CHD6: variants seen among roughly 807,000 people sequenced by gnomAD.
CHD6 encodes chromodomain helicase DNA binding protein 6.
Under a neutral mutation model 276.9 loss-of-function variants are expected in CHD6, and 50 were observed. The ratio of observed to expected loss-of-function variants is 0.18; its 90% CI spans 0.14 to 0.23. The LOEUF (loss-of-function observed/expected upper bound fraction) is 0.23. Ranked by LOEUF, CHD6 falls within the 10% of genes least tolerant of loss-of-function variation. CHD6 has a pLI of 1.00. For synonymous variants in CHD6, 1,173 were observed against 1,229.3 expected (o/e 0.95, Z 0.96); for missense variants, 2,564 against 3,365.8 (o/e 0.76, Z 5.89).
At chr20:41,469,304 G>A (rs1350946606) in intron 17 of CHD6, among the ~76,000 whole-genome samples, 5 of 152,124 alleles carry the variant, frequency 3.3e-5, no homozygotes, top group African/African-American at 4.8e-5. Context: ...GCAGCCCACC[G>A]TTGTTATCTT....
chr20:41,420,490 A>T lies in CHD6; in HGVS notation c.6127+18T>A. 6.3e-7 allele frequency: 1 copy of T among 1,580,668 alleles called. No homozygotes were observed. The highest frequency in any genetic ancestry group is 8.6e-7 in the Non-Finnish European group (1 of 1,167,610). On this transcript the variant is annotated intron_variant, in intron 31 of 36. Coordinates refer to ENST00000373233, the MANE Select transcript of CHD6 (RefSeq NM_032221.5). Reference sequence around the variant, plus strand: ...GAACTAGTTTATCCAAAATGCCACAAGATCCTACATACTGTACCTTGACTA... The same window carrying T: ...GAACTAGTTTATCCAAAATGCCACATGATCCTACATACTGTACCTTGACTA...
At chr20:41,422,474 C>T (rs148112567) in intron 30 of CHD6, among the ~76,000 whole-genome samples, 19 of 152,028 alleles carry the variant, frequency 1.2e-4, no homozygotes, top group African/African-American at 4.3e-4. Flanking sequence ...CCCCACCCCC[C>T]ATGTCTACAA....
intron 1 of CHD6, among the ~76,000 whole-genome samples, chr20:41,554,261 C>T (rs2045187916): frequency 6.6e-6 from 1 of 152,186 alleles, no homozygotes; most frequent in Non-Finnish European, 1.5e-5. Flanking sequence ...TCAGAAAGCA[C>T]AATTTCTGAT....
intron 27 of CHD6, among the ~76,000 whole-genome samples, chr20:41,427,786 C>T (rs902735898): frequency 6.6e-6 from 1 of 152,150 alleles, no homozygotes; most frequent in Admixed American, 6.5e-5. Flanking sequence ...TTAAATATAC[C>T]ATTTTATCTT....
chr20:41,412,006 C>A, intron 36 of CHD6, 138 bp downstream of exon 36: 1 of 1,244,606 alleles, frequency 8.0e-7, no homozygotes, highest in East Asian at 2.5e-5. Flanking sequence ...AATCAACTTC[C>A]TGTGCTGGCT....
rs574772250 is a variant in CHD6 at position 41,473,598 on chromosome 20, G to T, written c.2469-81C>A. ...ACAGCACAAAATGCAGGAAGCTGTCGACTGATGGCCTTAAATCCCTCACTT... is the reference window on the plus strand; with the variant it reads ...ACAGCACAAAATGCAGGAAGCTGTCTACTGATGGCCTTAAATCCCTCACTT... On this transcript the variant is annotated intron_variant, in intron 16 of 36. Transcript: ENST00000373233. The surrounding 1 kb of genome is among the most constrained non-coding windows in gnomAD (Gnocchi z 4.1). 1.1e-5 allele frequency: 13 copies of T among 1,163,448 alleles called. No individual in the cohort carries two copies. The highest frequency in any genetic ancestry group is 1.4e-5 in the South Asian group (1 of 72,770). The allele number at this position is 1,163,448 out of a possible 1,614,324, so 72.1% of individuals were successfully genotyped here. A position where few individuals can be genotyped will look rare whatever the true frequency, so the allele number is the denominator to read the frequency against.
chr20:41,404,993 A>G lies in CHD6; in HGVS notation c.7748T>C (p.Leu2583Ser), dbSNP rs746020539. The G allele has an allele frequency of 9.9e-6, 16 of 1,614,092 alleles. No individual in the cohort carries two copies. The East Asian group carries it at 1.3e-4, about 13-fold the overall frequency. Residue 2583 changes from leucine (L) to serine (S), a missense_variant, in exon 37 of 37, where the codon TTA becomes TCA. Physicochemically the swap from Leu to Ser is moderately radical, Grantham distance 145. Transcript: ENST00000373233. The stretch of plus-strand genomic sequence containing the variant: ...ACCTGGACCAGGCTTGTCCTCAGCT[A>G]AAGTGTCTGTTTTCACATCATGGCT... Reference protein sequence around the residue: ...PSSHDVKTDTLAEDKPGPGPF... With the variant: ...PSSHDVKTDTSAEDKPGPGPF...
At position 41,404,802 on chromosome 20, in the gene CHD6, T is replaced by C. The variant is rs1012444740; in HGVS notation, c.7939A>G (p.Ile2647Val). 6 of 1,613,520 alleles carry C rather than the reference T, an allele frequency of 3.7e-6. No individual in the cohort carries two copies. The highest frequency in any genetic ancestry group is 5.1e-6 in the Non-Finnish European group (6 of 1,179,686). Residue 2647 changes from isoleucine to valine, a missense_variant, in exon 37 of 37, where the codon ATA (isoleucine) becomes GTA (valine). Ile to Val is a conservative substitution (Grantham distance 29). Coordinates refer to ENST00000373233, the MANE Select transcript of CHD6 (RefSeq NM_032221.5). ...CTCTTCTGGCTCTCCAGACCTACTA[T>C]TTCCGAGTGTCTGGCCTGCTGCATG... ...PAMQQARHSE[I>V]VGLESQKRKK...
At chr20:41,492,491 G>C (rs772130745) in intron 10 of CHD6, among the ~76,000 whole-genome samples, 52 of 152,122 alleles carry the variant, frequency 3.4e-4, no homozygotes, top group African/African-American at 9.7e-4. Flanking sequence ...GTAAAAGCAA[G>C]AAATAATATT....
intron 32 of CHD6, 37 bp from the exon 33 acceptor site, chr20:41,416,831 G>A (rs764802194): frequency 2.1e-5 from 30 of 1,446,050 alleles, no homozygotes; most frequent in South Asian, 2.8e-5. Flanking sequence ...AATAAGGATC[G>A]AGTTACCTAA....
chr20:41,559,533 A>G (rs567886620), intron 1 of CHD6, among the ~76,000 whole-genome samples: 1 of 152,262 alleles, frequency 6.6e-6, no homozygotes, highest in African/African-American at 2.4e-5. Context: ...CCTCTTCTTA[A>G]AATTCTCATC....
At chr20:41,413,927 T>C (rs1182342945) in intron 34 of CHD6, 1 of 155,414 alleles carries the variant, frequency 6.4e-6, no homozygotes, top group Non-Finnish European at 1.4e-5. Context: ...ATAGTTTGAA[T>C]GCCTGTCTTA....
chr20:41,514,036 A>T (rs1180395180), intron 4 of CHD6, among the ~76,000 whole-genome samples: 1 of 152,220 alleles, frequency 6.6e-6, no homozygotes, highest in African/African-American at 2.4e-5. Context: ...CCCAGTTTAT[A>T]GGCAGTGAGG....
At chr20:41,599,265 G>T (rs1006788901) in intron 1 of CHD6, among the ~76,000 whole-genome samples, 1 of 152,076 alleles carries the variant, frequency 6.6e-6, no homozygotes, top group Non-Finnish European at 1.5e-5. Flanking sequence ...TCATGATTGG[G>T]GTCCAATGCT....
chr20:41,503,637 T>C lies in CHD6; in HGVS notation c.853-4280A>G, dbSNP rs1382150621. On this transcript the variant is annotated intron_variant, in intron 5 of 36. Coordinates refer to ENST00000373233, the MANE Select transcript of CHD6 (RefSeq NM_032221.5). ...GATATGCCTAGGTATGGTTTTCTTT[T>C]TTGCATTTTTCCTGCTTTAGAGTTA... Among the ~76,000 whole-genome samples the C allele has an allele frequency of 2.0e-5, 3 of 152,306 alleles. No homozygotes were observed. In the East Asian group the frequency reaches 5.8e-4, roughly 29 times the overall value.
At chr20:41,562,400 G>A (rs2045310816) in intron 1 of CHD6, among the ~76,000 whole-genome samples, 1 of 152,036 alleles carries the variant, frequency 6.6e-6, no homozygotes, top group African/African-American at 2.4e-5. Flanking sequence ...AAAGGCTTCT[G>A]TAACAGTTTT....
chr20:41,447,305 G>T (rs2048099591), intron 24 of CHD6, among the ~76,000 whole-genome samples: 1 of 152,152 alleles, frequency 6.6e-6, no homozygotes, highest in Non-Finnish European at 1.5e-5. Context: ...AACTGCACCT[G>T]GTGATCCCAT....
intron 1 of CHD6, among the ~76,000 whole-genome samples, chr20:41,559,847 C>T (rs1298725072): frequency 1.3e-5 from 2 of 151,788 alleles, no homozygotes; most frequent in Non-Finnish European, 2.9e-5. Context: ...TCTTCCAAAA[C>T]GAAACTCAGT....
intron 17 of CHD6, among the ~76,000 whole-genome samples, chr20:41,465,061 G>A (rs183548129): frequency 3.3e-5 from 5 of 152,278 alleles, no homozygotes; most frequent in African/African-American, 9.6e-5. Context: ...ACTAATAAAT[G>A]TAGAAGGGAT....
Sources: allele counts gnomAD v4.1 joint callset (sites outside exome capture counted in the v4.1 genomes callset), GRCh38; gene constraint gnomAD v4.1.1; non-coding constraint Gnocchi (gnomAD v3.1); transcripts MANE v1.5; gene names NCBI Gene and HGNC (gene_info 2026-07-23, HGNC 2026-07-21).